Variants in SH3PXD2A observed in about 807,000 individuals in gnomAD.
The protein encoded by SH3PXD2A is SH3 and PX domains 2A.
A neutral mutation model predicts 115.2 loss-of-function variants in SH3PXD2A; 32 were observed. The observed-to-expected ratio is 0.28, with a 90% CI of 0.21 to 0.37. The LOEUF (loss-of-function observed/expected upper bound fraction) is 0.37. Ranked by LOEUF, SH3PXD2A falls within the 10% of genes least tolerant of loss-of-function variation. The probability of loss-of-function intolerance (pLI) is 1.00; values close to 1 mark genes in which losing one functional copy is unlikely to be tolerated. For synonymous variants in SH3PXD2A, 610 were observed against 629.1 expected (o/e 0.97, Z 0.45); for missense variants, 1,328 against 1,498.7 (o/e 0.89, Z 1.88).
chr10:103,636,564 A>C (rs1236663099), intron 8 of SH3PXD2A, among the ~76,000 whole-genome samples: 1 of 152,082 alleles, frequency 6.6e-6, no homozygotes, highest in Admixed American at 6.5e-5. Flanking sequence ...AGCCTGACTG[A>C]GGGCGGCAGG....
intron 4 of SH3PXD2A, 130 bp downstream of exon 4, chr10:103,735,602 A>G (rs2038370432): frequency 2.7e-6 from 2 of 728,726 alleles, no homozygotes; most frequent in South Asian, 1.6e-5. Flanking sequence ...CCCTCTGGCC[A>G]GGAAACACCA....
chr10:103,636,114 A>G (rs2036859897), intron 8 of SH3PXD2A, among the ~76,000 whole-genome samples: 1 of 152,222 alleles, frequency 6.6e-6, no homozygotes, highest in Non-Finnish European at 1.5e-5. Context: ...AGGGAGGGAA[A>G]GAGTAGAGAT....
At chr10:103,750,280 C>T (rs1163135781) in intron 3 of SH3PXD2A, among the ~76,000 whole-genome samples, 2 of 152,142 alleles carry the variant, frequency 1.3e-5, no homozygotes, top group African/African-American at 2.4e-5. Flanking sequence ...CTCGAACTCC[C>T]AGGCTCAAGT....
At chr10:103,752,819 G>A (rs1325869436) in intron 3 of SH3PXD2A, among the ~76,000 whole-genome samples, 1 of 152,132 alleles carries the variant, frequency 6.6e-6, no homozygotes, top group African/African-American at 2.4e-5. Context: ...TCATAGGTTT[G>A]GGTTTCCAAA....
chr10:103,602,687 G>A lies in SH3PXD2A; in HGVS notation c.2531C>T (p.Ser844Leu), dbSNP rs200823844. ...CTGGTAGGCGCTGCATGTCATGTAC[G>A]AGGTGGCTGGCCCTTCCCATTCCTT... is the stretch of plus-strand genomic sequence containing the variant. ...TKKEWEGPAT[S>L]YMTCSAYQKV... Residue 844 changes from serine to leucine, a missense_variant, in exon 15 of 15, where the codon TCG (serine) becomes TTG (leucine). Physicochemically the swap from Ser to Leu is moderately radical, Grantham distance 145. Around this residue, in one of 5 missense-constraint regions of SH3PXD2A, gnomAD observed 574 missense variants for 565.7 expected, o/e 1.01. Coordinates refer to ENST00000369774, the MANE Select transcript of SH3PXD2A (RefSeq NM_001394015.1). 48 of 1,613,974 alleles carry A rather than the reference G, an allele frequency of 3.0e-5. No homozygotes were observed. The African/African-American group carries it at 5.7e-4, about 19-fold the overall frequency.
chr10:103,670,461 A>T (rs1314024064), intron 6 of SH3PXD2A, among the ~76,000 whole-genome samples: 1 of 152,212 alleles, frequency 6.6e-6, no homozygotes, highest in Non-Finnish European at 1.5e-5. Context: ...AGTAACTCCC[A>T]TGAACGTGGT....
chr10:103,643,884 G>A (rs1411708768), intron 8 of SH3PXD2A, among the ~76,000 whole-genome samples: 6 of 151,978 alleles, frequency 3.9e-5, no homozygotes, highest in African/African-American at 1.4e-4. Flanking sequence ...GGCCGAGGCG[G>A]GCGGATCACG....
At chr10:103,767,619 C>A (rs149535410) in intron 2 of SH3PXD2A, among the ~76,000 whole-genome samples, 232 of 151,826 alleles carry the variant, frequency 1.5e-3, no homozygotes, top group African/African-American at 3.5e-3. Flanking sequence ...ACAGACCACC[C>A]ACCTTCCAGA....
chr10:103,630,514 C>T (rs1429812352), intron 8 of SH3PXD2A, among the ~76,000 whole-genome samples: 5 of 152,018 alleles, frequency 3.3e-5, no homozygotes, highest in East Asian at 1.9e-4. Context: ...TAGGAGCAAA[C>T]GTGGGTGCTT....
intron 1 of SH3PXD2A, among the ~76,000 whole-genome samples, chr10:103,809,284 C>T (rs1463565628): frequency 6.6e-6 from 1 of 152,160 alleles, no homozygotes; most frequent in African/African-American, 2.4e-5. Flanking sequence ...GGCTAATGAC[C>T]AGGCAGCAGG....
intron 1 of SH3PXD2A, among the ~76,000 whole-genome samples, chr10:103,827,984 C>A (rs1020121193): frequency 6.6e-6 from 1 of 152,204 alleles, no homozygotes; most frequent in Non-Finnish European, 1.5e-5. Flanking sequence ...CAGAGCCTGG[C>A]CTGGTTCCCT....
chr10:103,674,420 T>C (rs950903768), intron 6 of SH3PXD2A, among the ~76,000 whole-genome samples: 3 of 152,186 alleles, frequency 2.0e-5, no homozygotes, highest in African/African-American at 7.2e-5. Flanking sequence ...CTGAAACAGG[T>C]TGTCATGCTC....
intron 2 of SH3PXD2A, among the ~76,000 whole-genome samples, chr10:103,798,550 C>A (rs1204512519): frequency 1.3e-5 from 2 of 152,222 alleles, no homozygotes; most frequent in East Asian, 3.8e-4. Flanking sequence ...CACTCTTTTC[C>A]TGGGGAGAGG....
chr10:103,836,706 C>CACACACACAG (rs1554928966), intron 1 of SH3PXD2A, among the ~76,000 whole-genome samples: 1 of 149,672 alleles, frequency 6.7e-6, no homozygotes, highest in South Asian at 2.1e-4. Context: ...CACACACACA[C>CACACACACAG]CCCTTCTTTT....
intron 5 of SH3PXD2A, among the ~76,000 whole-genome samples, chr10:103,719,727 T>C (rs1372331628): frequency 9.0e-5 from 13 of 144,940 alleles, no homozygotes; most frequent in Admixed American, 8.9e-4. Context: ...CTTTCTTTTT[T>C]TTTTTTTTTT....
At position 103,668,797 on chromosome 10, in the gene SH3PXD2A, A is replaced by T. The variant is rs957508889; in HGVS notation, c.428-145T>A. 13 of 735,544 alleles carry T rather than the reference A, an allele frequency of 1.8e-5. No individual in the cohort carries two copies. In the African/African-American group the frequency reaches 2.3e-4, roughly 13 times the overall value. 45.6% of individuals were successfully genotyped at this position (735,544 alleles called of 1,614,324 possible). A position where few individuals can be genotyped will look rare whatever the true frequency, so the allele number is the denominator to read the frequency against. The stretch of plus-strand genomic sequence containing the variant: ...GGAAGGCGGAGGAGGGAGGAGAGTG[A>T]TTTCCTGGCCCTGGGCTGGCTGTTG... On this transcript the variant is annotated intron_variant, in intron 6 of 14. Transcript: ENST00000369774.
intron 1 of SH3PXD2A, among the ~76,000 whole-genome samples, chr10:103,844,268 A>T (rs527718786): frequency 5.3e-5 from 8 of 152,204 alleles, no homozygotes; most frequent in Non-Finnish European, 1.2e-4. Context: ...GGCTCAACTA[A>T]TCTGTTCCAG....
chr10:103,668,691 G>C, intron 6 of SH3PXD2A, 39 bp from the exon 7 acceptor site: 4 of 1,425,122 alleles, frequency 2.8e-6, no homozygotes, highest in Non-Finnish European at 3.7e-6. Flanking sequence ...CAGGAGAGGA[G>C]AACCAGAGAG....
chr10:103,838,531 C>T (rs1376380706), intron 1 of SH3PXD2A, among the ~76,000 whole-genome samples: 3 of 152,158 alleles, frequency 2.0e-5, no homozygotes, highest in Non-Finnish European at 2.9e-5. Flanking sequence ...TGCTGCTTTC[C>T]TCTCTAAGGT....
Sources: gnomAD v4.1 joint callset for allele counts (sites outside exome capture counted in the v4.1 genomes callset) on GRCh38, gnomAD v4.1.1 for gene constraint, gnomAD v4.1.1 regional missense constraint, MANE v1.5 for transcripts, NCBI Gene and HGNC (gene_info 2026-07-23, HGNC 2026-07-21) for gene names.